VARS1: variants seen among roughly 807,000 people sequenced by gnomAD.
The protein encoded by VARS1 is valyl-tRNA synthetase 1, also known as valine--tRNA ligase.
VARS1 carries 92 observed loss-of-function variants against 161.0 expected under a neutral mutation model. The observed-to-expected ratio is 0.57, with a 90% CI of 0.48 to 0.68. The LOEUF (loss-of-function observed/expected upper bound fraction) is 0.68, where lower values mean the gene tolerates loss of function less well. VARS1 is among the 30% of genes least tolerant of loss of function. VARS1 has a pLI of 0.00. For missense variants in VARS1, 1,338 were observed against 1,695.9 expected (o/e 0.79, Z 3.71); for synonymous variants, 595 against 682.5 (o/e 0.87, Z 2.00).
In VARS1 at chr6:31,791,893, C is replaced by G; in HGVS notation, c.950G>C (p.Gly317Ala). The G allele has an allele frequency of 6.2e-7, 1 of 1,607,460 alleles. No homozygotes were observed. Among genetic ancestry groups the G allele is most frequent in the Non-Finnish European group, 8.5e-7 (1 of 1,176,618 alleles). ...AAWYPWWEQQ[G>A]FFKPEYGRPN... ...CACCCCATACTCTGGCTTGAAGAAG[C>G]CCTGCTGCTCCCACCAAGGGTACCA... The change falls in exon 7 of 30, where the codon GGC becomes GCC. Residue 317 changes from glycine (G) to alanine (A), a missense_variant. Physicochemically the swap from Gly to Ala is moderately conservative, Grantham distance 60. Transcript: ENST00000375663. The surrounding 1 kb of genome is among the most constrained non-coding windows in gnomAD (Gnocchi z 5.0).
In VARS1 at chr6:31,791,971, T is replaced by C; in HGVS notation, c.872A>G (p.Asp291Gly). ...GGAGTCGGGCATGGGGCCACTGACA[T>C]CTGGGGGAGAGGAAGGGAGGGCTCA... ...DLPTPPGEKKDVSGPMPDSYS... is the reference protein window; with the variant it reads ...DLPTPPGEKKGVSGPMPDSYS... Residue 291 changes from aspartate (D) to glycine (G), a missense_variant and splice_region_variant, in exon 7 of 30, where the codon GAT becomes GGT. This residue lies in a region of VARS1 where 902 missense variants were observed against 1,090.3 expected (regional missense o/e 0.83). Coordinates refer to ENST00000375663, the MANE Select transcript of VARS1 (RefSeq NM_006295.3). This position sits in a 1 kb window ranked among gnomAD's most constrained non-coding sequence, Gnocchi z 5.0. 3 of 1,581,498 alleles carry C rather than the reference T, an allele frequency of 1.9e-6. No individual in the cohort carries two copies. The highest frequency in any genetic ancestry group is 2.6e-6 in the Non-Finnish European group (3 of 1,162,878).
Position 31,780,739 on chromosome 6 carries a change from A to G in VARS1, c.2763T>C (p.Ala921=). 6.2e-7 allele frequency: 1 copy of G among 1,614,160 alleles called. No individual in the cohort carries two copies. Among genetic ancestry groups the G allele is most frequent in the Non-Finnish European group, 8.5e-7 (1 of 1,180,028 alleles). ...PAGIPECGTD[A]LRFGLCAYMS... ...TGTAGGCACATAATCCAAACCGGAG[A>G]GCATCGGTGCCACATTCAGGAATCC... The change falls in exon 24 of 30, where the codon GCT becomes GCC. Residue 921 remains alanine, a synonymous_variant. Transcript: ENST00000375663. The surrounding 1 kb of genome is among the most constrained non-coding windows in gnomAD (Gnocchi z 5.1).
chr6:31,792,877 G>A lies in VARS1; in HGVS notation c.541C>T (p.Arg181Cys), dbSNP rs35196751. 4.2e-3 allele frequency: 6,823 copies of A among 1,614,102 alleles called. 234 individuals are homozygous for A. In the African/African-American group the frequency reaches 0.077, roughly 18 times the overall value. The change falls in exon 4 of 30, where the codon CGC becomes TGC. Residue 181 changes from arginine to cysteine, a missense_variant. Coordinates refer to ENST00000375663, the MANE Select transcript of VARS1 (RefSeq NM_006295.3). ...PFRYVLDPPA[R>C]RIWNNVTRWF... ...CGAGTCACATTATTCCAGATCCGGC[G>A]GGCAGGTGGGTCTAGGACCTGGAAC... is the stretch of plus-strand genomic sequence containing the variant.
chr6:31,786,184 C>A (rs1038272113), intron 8 of VARS1, among the ~76,000 whole-genome samples: 24 of 151,966 alleles, frequency 1.6e-4, no homozygotes, highest in Admixed American at 4.6e-4. Flanking sequence ...TGCTTGAACC[C>A]GGGAAGCAGA....
intron 6 of VARS1, 96 bp from the exon 7 acceptor site, chr6:31,792,067 A>T: frequency 2.7e-6 from 4 of 1,458,048 alleles, no homozygotes; most frequent in Non-Finnish European, 3.7e-6. Context: ...CGTCACTCAC[A>T]TCATAGGACA....
intron 8 of VARS1, among the ~76,000 whole-genome samples, chr6:31,790,399 T>G (rs973139279): frequency 2.0e-5 from 3 of 151,750 alleles, no homozygotes; most frequent in African/African-American, 7.3e-5. Flanking sequence ...GTCAGGAGTT[T>G]GAGACCAGCC....
chr6:31,785,159 G>T lies in VARS1; in HGVS notation c.1347+87C>A. 6.6e-7 allele frequency: 1 copy of T among 1,514,872 alleles called. No individual in the cohort carries two copies. Among genetic ancestry groups the T allele is most frequent in the South Asian group, 1.1e-5 (1 of 88,112 alleles). 93.8% of individuals were successfully genotyped at this position (1,514,872 alleles called of 1,614,324 possible). ...TACATGGGCCAGCTCCTGAGAGAGG[G>T]CCACAACACCTCTGCTTTCTCCTGT... On this transcript the variant is annotated intron_variant, in intron 10 of 29. Transcript: ENST00000375663. This position sits in a 1 kb window ranked among gnomAD's most constrained non-coding sequence, Gnocchi z 6.1.
At position 31,782,953 on chromosome 6, in the gene VARS1, C is replaced by G; in HGVS notation, c.1763-108G>C. 2 of 1,527,216 alleles carry G rather than the reference C, an allele frequency of 1.3e-6. No individual in the cohort carries two copies. Among genetic ancestry groups the G allele is most frequent in the Non-Finnish European group, 1.8e-6 (2 of 1,134,436 alleles). The allele number at this position is 1,527,216 out of a possible 1,614,324, so 94.6% of individuals were successfully genotyped here. On this transcript the variant is annotated intron_variant, in intron 14 of 29. Transcript: ENST00000375663. This position sits in a 1 kb window ranked among gnomAD's most constrained non-coding sequence, Gnocchi z 8.3. ...GCTCCGAGACCACTCCTGGCCCCCA[C>G]TTGTCTAATACAGTCCCTTGAGAAC...
At position 31,781,203 on chromosome 6, in the gene VARS1, G is replaced by T; in HGVS notation, c.2545-80C>A. ...AGTGCCCCGACCAGGACTGTGTCTGGTCTACCCCACTGTGAACCTCAGGTC... is the reference window on the plus strand; with the variant it reads ...AGTGCCCCGACCAGGACTGTGTCTGTTCTACCCCACTGTGAACCTCAGGTC... On this transcript the variant is annotated intron_variant, in intron 21 of 29. Coordinates refer to ENST00000375663, the MANE Select transcript of VARS1 (RefSeq NM_006295.3). The surrounding 1 kb of genome is among the most constrained non-coding windows in gnomAD (Gnocchi z 6.8). 1 of 1,511,236 alleles carries T rather than the reference G, an allele frequency of 6.6e-7. No homozygotes were observed. The allele number at this position is 1,511,236 out of a possible 1,614,324, so 93.6% of individuals were successfully genotyped here.
Position 31,781,401 on chromosome 6 carries a change from C to T in VARS1, c.2544+80G>A. The T allele has an allele frequency of 6.4e-7, 1 of 1,551,614 alleles. No individual in the cohort carries two copies. Among genetic ancestry groups the T allele is most frequent in the Non-Finnish European group, 8.7e-7 (1 of 1,151,166 alleles). ...GCCCACAGCTAACCCCATGCCCCAGCCACGCGGGGTCTGCGCTGCAGCACA... is the reference window on the plus strand; with the variant it reads ...GCCCACAGCTAACCCCATGCCCCAGTCACGCGGGGTCTGCGCTGCAGCACA... On this transcript the variant is annotated intron_variant, in intron 21 of 29. Transcript: ENST00000375663. This position sits in a 1 kb window ranked among gnomAD's most constrained non-coding sequence, Gnocchi z 6.8.
In VARS1 at chr6:31,785,440, A is replaced by T; in HGVS notation, c.1266-113T>A. On this transcript the variant is annotated intron_variant, in intron 9 of 29. Transcript: ENST00000375663. This position sits in a 1 kb window ranked among gnomAD's most constrained non-coding sequence, Gnocchi z 6.1. ...TCCCCCTGAAATTTACCTGGGCCCT[A>T]GAGCCAACTGACTCTGCCTCTGTGG... is the stretch of plus-strand genomic sequence containing the variant. The T allele has an allele frequency of 6.5e-7, 1 of 1,537,646 alleles. No homozygotes were observed. The highest frequency in any genetic ancestry group is 2.3e-5 in the East Asian group (1 of 42,732).
Position 31,782,670 on chromosome 6 carries a change from G to A in VARS1, c.1888-37C>T. 6.2e-7 allele frequency: 1 copy of A among 1,613,066 alleles called. No homozygotes were observed. The highest frequency in any genetic ancestry group is 8.5e-7 in the Non-Finnish European group (1 of 1,180,024). On this transcript the variant is annotated intron_variant, in intron 15 of 29. Transcript: ENST00000375663. This position sits in a 1 kb window ranked among gnomAD's most constrained non-coding sequence, Gnocchi z 8.3. ...TGAGGCCTCATCATGGCGATGCCCA[G>A]CCATCCCTCCATCTCCCTGACCCGG...
In VARS1 at chr6:31,791,976, G is replaced by T; in HGVS notation, c.872-5C>A. The T allele has an allele frequency of 6.4e-7, 1 of 1,571,550 alleles. No homozygotes were observed. Among genetic ancestry groups the T allele is most frequent in the Non-Finnish European group, 8.6e-7 (1 of 1,158,762 alleles). On this transcript the variant is annotated splice_polypyrimidine_tract_variant and splice_region_variant and intron_variant, in intron 6 of 29. Coordinates refer to ENST00000375663, the MANE Select transcript of VARS1 (RefSeq NM_006295.3). The surrounding 1 kb of genome is among the most constrained non-coding windows in gnomAD (Gnocchi z 5.0). ...CGGGCATGGGGCCACTGACATCTGG[G>T]GGAGAGGAAGGGAGGGCTCAGTGCC...
intron 2 of VARS1, among the ~76,000 whole-genome samples, chr6:31,793,901 G>A (rs1177078318): frequency 1.3e-5 from 2 of 151,820 alleles, no homozygotes; most frequent in African/African-American, 4.8e-5. Flanking sequence ...TTAGGAGTTC[G>A]AGACCAGCCT....
chr6:31,782,387 C>T lies in VARS1; in HGVS notation c.2048G>A (p.Gly683Glu). Residue 683 changes from glycine (G) to glutamate (E), a missense_variant, in exon 17 of 30, where the codon GGG becomes GAG. Physicochemically the swap from Gly to Glu is moderately conservative, Grantham distance 98. Around this residue, in one of 3 missense-constraint regions of VARS1, gnomAD observed 902 missense variants for 1,090.3 expected, o/e 0.83. Transcript: ENST00000375663. This position sits in a 1 kb window ranked among gnomAD's most constrained non-coding sequence, Gnocchi z 8.3. ...GGCGCTGGCAGCCTGGGCCATCTCC[C>T]CGCAGCGAACGTACCACTGCGGCCG... The part of the protein sequence containing the change: ...LLRPQWYVRC[G>E]EMAQAASAAV... 1.2e-6 allele frequency: 2 copies of T among 1,612,462 alleles called. No individual in the cohort carries two copies. Among genetic ancestry groups the T allele is most frequent in the Non-Finnish European group, 1.7e-6 (2 of 1,179,740 alleles).
Position 31,791,563 on chromosome 6 carries a change from C to A in VARS1, c.1100+47G>T. 6.4e-7 allele frequency: 1 copy of A among 1,563,920 alleles called. No homozygotes were observed. Among genetic ancestry groups the A allele is most frequent in the Non-Finnish European group, 8.7e-7 (1 of 1,155,088 alleles). On this transcript the variant is annotated intron_variant, in intron 8 of 29. Transcript: ENST00000375663. The surrounding 1 kb of genome is among the most constrained non-coding windows in gnomAD (Gnocchi z 5.0). ...GGGGCTGTCAGGGAAAAGGAGAGAG[C>A]CAGACTAGGCAGAGGGAACCAGAGG...
chr6:31,781,964 G>A lies in VARS1; in HGVS notation c.2242-12C>T. On this transcript the variant is annotated splice_polypyrimidine_tract_variant and intron_variant, in intron 18 of 29. Coordinates refer to ENST00000375663, the MANE Select transcript of VARS1 (RefSeq NM_006295.3). This position sits in a 1 kb window ranked among gnomAD's most constrained non-coding sequence, Gnocchi z 6.8. ...CGCCCATCAGGGTCCTGCCACAGGTGCAGTGATTACCCAAGGGGGTGTGTC... is the reference window on the plus strand; with the variant it reads ...CGCCCATCAGGGTCCTGCCACAGGTACAGTGATTACCCAAGGGGGTGTGTC... 1 of 1,613,112 alleles carries A rather than the reference G, an allele frequency of 6.2e-7. No homozygotes were observed. The highest frequency in any genetic ancestry group is 1.3e-5 in the African/African-American group (1 of 75,052).
Position 31,785,284 on chromosome 6 carries a change from AGC to A in VARS1, c.1307_1308del (p.Ser436IlefsTer14). On this transcript the variant is annotated frameshift_variant, in exon 10 of 30. Coordinates refer to ENST00000375663, the MANE Select transcript of VARS1 (RefSeq NM_006295.3). LOFTEE classifies it high-confidence loss of function. The surrounding 1 kb of genome is among the most constrained non-coding windows in gnomAD (Gnocchi z 6.1). ...RIYHQLKKLG[S>X]SLDWDRACFT... ...AAACAGGCTCGATCCCAGTCCAAGGAGCTGCCAAGCTTCTTCAACTGGTGGTA... is the reference window on the plus strand; with the variant it reads ...AAACAGGCTCGATCCCAGTCCAAGGATGCCAAGCTTCTTCAACTGGTGGTA... The A allele has an allele frequency of 1.2e-6, 2 of 1,613,030 alleles. No homozygotes were observed. Among genetic ancestry groups the A allele is most frequent in the South Asian group, 2.2e-5 (2 of 91,088 alleles).
Position 31,785,456 on chromosome 6 carries a change from G to T in VARS1, c.1265+113C>A, listed in dbSNP as rs1294536956. On this transcript the variant is annotated intron_variant, in intron 9 of 29. Transcript: ENST00000375663. The surrounding 1 kb of genome is among the most constrained non-coding windows in gnomAD (Gnocchi z 6.1). The stretch of plus-strand genomic sequence containing the variant: ...CTGGGCCCTAGAGCCAACTGACTCT[G>T]CCTCTGTGGGAGGGTCTGACCCTGT... 1.3e-6 allele frequency: 2 copies of T among 1,521,452 alleles called. No homozygotes were observed. The highest frequency in any genetic ancestry group is 2.7e-5 in the African/African-American group (2 of 73,122). The allele number at this position is 1,521,452 out of a possible 1,614,324, so 94.2% of individuals were successfully genotyped here. A position where few individuals can be genotyped will look rare whatever the true frequency, so the allele number is the denominator to read the frequency against.
Sources: allele counts gnomAD v4.1 joint callset (sites outside exome capture counted in the v4.1 genomes callset), GRCh38; gene constraint gnomAD v4.1.1; regional missense constraint gnomAD v4.1.1; non-coding constraint Gnocchi (gnomAD v3.1); transcripts MANE v1.5; gene names NCBI Gene and HGNC (gene_info 2026-07-23, HGNC 2026-07-21).